Variants in APLP2 observed in about 807,000 individuals in gnomAD.
APLP2 encodes amyloid beta precursor like protein 2, also known as CDEI box-binding protein.
APLP2 carries 53 observed loss-of-function variants against 89.9 expected under a neutral mutation model. The ratio of observed to expected loss-of-function variants is 0.59; its 90% confidence interval spans 0.47 to 0.74. The LOEUF (loss-of-function observed/expected upper bound fraction) is 0.74. Ranked by LOEUF, APLP2 falls within the 30% of genes least tolerant of loss-of-function variation. The probability of loss-of-function intolerance (pLI) is 0.00; values close to 1 mark genes in which losing one functional copy is unlikely to be tolerated. For missense variants in APLP2, 973 were observed against 975.9 expected (o/e 1.00, Z 0.04); for synonymous variants, 372 against 348.6 (o/e 1.07, Z -0.75).
intron 12 of APLP2, 116 bp from the exon 13 acceptor site, chr11:130,135,447 G>A (rs1951457954): frequency 3.3e-6 from 4 of 1,207,912 alleles, no homozygotes; most frequent in South Asian, 1.5e-5. Context: ...ATCAAGGAAG[G>A]TGTTTCAGGC....
In APLP2 at chr11:130,123,575, C is replaced by T. The variant is rs777390678; in HGVS notation, c.923-37C>T. ...CATTTTGAAGCATTTGACGTCACTG[C>T]CTCTGTCCTGCTGACACTCTGACCA... On this transcript the variant is annotated intron_variant, in intron 6 of 16. Transcript: ENST00000338167. The surrounding 1 kb of genome is among the most constrained non-coding windows in gnomAD (Gnocchi z 4.0). The T allele has an allele frequency of 2.2e-5, 35 of 1,594,140 alleles. No individual in the cohort carries two copies. The highest frequency in any genetic ancestry group is 3.4e-5 in the Admixed American group (2 of 58,056).
At chr11:130,118,116 T>C (rs1565584626) in intron 3 of APLP2, among the ~76,000 whole-genome samples, 2 of 151,766 alleles carry the variant, frequency 1.3e-5, no homozygotes. Flanking sequence ...TTCTATAGAA[T>C]ATAGATTAGT....
rs553856828 is a variant in APLP2 at position 130,107,409 on chromosome 11, T to A, written c.106-2020T>A. 5.3e-3 allele frequency among the ~76,000 whole-genome samples: 794 copies of A among 150,968 alleles called. 9 individuals carry two copies. Among genetic ancestry groups the A allele is most frequent in the African/African-American group, 0.018 (741 of 40,582 alleles). On this transcript the variant is annotated intron_variant, in intron 1 of 16. Coordinates refer to ENST00000338167, the MANE Select transcript of APLP2 (RefSeq NM_001142276.2). ...ATCAATGTGCAAAAATCACAAGCAT[T>A]CCTATACACCAATAACAGACAGAGA...
At chr11:130,129,936 G>A in intron 10 of APLP2, 102 bp from the exon 11 acceptor site, 1 of 1,340,506 alleles carries the variant, frequency 7.5e-7, no homozygotes, top group Non-Finnish European at 1.0e-6. Context: ...CTTGTGCCTA[G>A]CTGAGCTTTA....
At chr11:130,079,083 T>TTTA (rs1565548972) in intron 1 of APLP2, among the ~76,000 whole-genome samples, 1,841 of 130,748 alleles carry the variant, frequency 0.014, 35 homozygotes, top group African/African-American at 0.039. Flanking sequence ...CATGTATTTT[T>TTTA]TTTATTTATT....
Position 130,070,435 on chromosome 11 carries a change from G to C in APLP2, c.105+353G>C, listed in dbSNP as rs535853772. 21 of 496,822 alleles carry C rather than the reference G, an allele frequency of 4.2e-5. No homozygotes were observed. In the South Asian group the frequency reaches 1.6e-3, roughly 39 times the overall value. 30.8% of individuals were successfully genotyped at this position (496,822 alleles called of 1,614,324 possible). ...CCCGCCCTCCCCCGGGACAATGCCA[G>C]GGCGCTCCTCTCCCGCCGGAGTCCG... On this transcript the variant is annotated intron_variant, in intron 1 of 16. Transcript: ENST00000338167.
At chr11:130,091,342 A>G (rs1945118619) in intron 1 of APLP2, among the ~76,000 whole-genome samples, 1 of 140,084 alleles carries the variant, frequency 7.1e-6, no homozygotes, top group Non-Finnish European at 1.5e-5. Flanking sequence ...TCCCTCCCGG[A>G]CGGGGCGGCT....
intron 1 of APLP2, among the ~76,000 whole-genome samples, chr11:130,106,919 C>G (rs1441669123): frequency 6.6e-6 from 1 of 152,104 alleles, no homozygotes; most frequent in Non-Finnish European, 1.5e-5. Context: ...GAACTCTCGA[C>G]CTCGTGATCT....
In APLP2 at chr11:130,141,220, T is replaced by TG. The variant is rs1273211280; in HGVS notation, c.1924-276dup. The stretch of plus-strand genomic sequence containing the variant: ...CGCGCCTGGTGTAAACGGGGCTTTT[T>TG]GGCAGTCTGTTCTGAGATACGTCTC... On this transcript the variant is annotated intron_variant, in intron 14 of 16. Transcript: ENST00000338167. The surrounding 1 kb of genome is among the most constrained non-coding windows in gnomAD (Gnocchi z 4.2). The TG allele has an allele frequency of 5.3e-6, 2 of 378,738 alleles. No individual in the cohort carries two copies. Among genetic ancestry groups the TG allele is most frequent in the African/African-American group, 4.2e-5 (2 of 47,538 alleles). 23.5% of individuals were successfully genotyped at this position (378,738 alleles called of 1,614,324 possible).
In APLP2 at chr11:130,121,595, G is replaced by A; in HGVS notation, c.517-19G>A. The A allele has an allele frequency of 1.2e-6, 2 of 1,608,248 alleles. No individual in the cohort carries two copies. The highest frequency in any genetic ancestry group is 8.5e-7 in the Non-Finnish European group (1 of 1,176,242). ...TTACTCTGGAGTATGTTCTGATGTG[G>A]CCTGTGGGTTTCTTTTAGGCATGTC... On this transcript the variant is annotated intron_variant, in intron 4 of 16. Coordinates refer to ENST00000338167, the MANE Select transcript of APLP2 (RefSeq NM_001142276.2).
chr11:130,137,080 G>A (rs1021682290), intron 13 of APLP2, among the ~76,000 whole-genome samples: 1 of 152,122 alleles, frequency 6.6e-6, no homozygotes, highest in African/African-American at 2.4e-5. Context: ...ATTTGCTGTG[G>A]CTCATACTGC....
chr11:130,094,651 G>A (rs1029780885), intron 1 of APLP2, among the ~76,000 whole-genome samples: 3 of 152,182 alleles, frequency 2.0e-5, no homozygotes, highest in South Asian at 2.1e-4. Flanking sequence ...TTGACAAGAC[G>A]TGTACATAAA....
chr11:130,127,931 C>A, intron 9 of APLP2, 91 bp downstream of exon 9: 2 of 1,096,222 alleles, frequency 1.8e-6, no homozygotes, highest in Non-Finnish European at 2.7e-6. Flanking sequence ...GGATTGGACA[C>A]CACCTCCTTT....
intron 7 of APLP2, 84 bp from the exon 8 acceptor site, chr11:130,126,616 T>A (rs1421286503): frequency 3.9e-6 from 6 of 1,523,840 alleles, no homozygotes; most frequent in Non-Finnish European, 5.4e-6. Context: ...ATTGAGTCCA[T>A]CCTGCAGGTC....
chr11:130,120,829 T>G lies in APLP2; in HGVS notation c.516+11T>G, dbSNP rs1444092566. ...ACGGTAGTCAAAGAGGTAAGAGAAC[T>G]CGGGGGGAAAGTCAGCTGCTGTTGT... On this transcript the variant is annotated intron_variant, in intron 4 of 16. Transcript: ENST00000338167. The G allele has an allele frequency of 6.3e-7, 1 of 1,592,962 alleles. No individual in the cohort carries two copies. The highest frequency in any genetic ancestry group is 2.2e-5 in the East Asian group (1 of 44,764).
intron 1 of APLP2, among the ~76,000 whole-genome samples, chr11:130,104,775 G>C (rs889198259): frequency 6.6e-5 from 10 of 152,172 alleles, no homozygotes; most frequent in Admixed American, 5.9e-4. Context: ...CGTTCCAGCA[G>C]GGTAAAGTCA....
At chr11:130,070,308 TCGGGGCTGCTGGGGGCGGC>T (rs1940679371) in intron 1 of APLP2, among the ~76,000 whole-genome samples, 1 of 151,098 alleles carries the variant, frequency 6.6e-6, no homozygotes, top group Admixed American at 6.6e-5. Context: ...ATGAAAGGCG[TCGGGGCTGCTGGGGGCGGC>T]CGTCCGCCTC....
intron 1 of APLP2, among the ~76,000 whole-genome samples, chr11:130,105,824 C>T (rs563567629): frequency 6.6e-6 from 1 of 151,990 alleles, no homozygotes; most frequent in African/African-American, 2.4e-5. Context: ...CTGCCTCAGC[C>T]TCCTGAGTAG....
intron 13 of APLP2, chr11:130,139,040 C>T (rs986090539): frequency 5.9e-5 from 9 of 152,214 alleles, no homozygotes; most frequent in African/African-American, 2.2e-4. Context: ...CATAAGCATC[C>T]TTGCTGAGGC....
Sources: allele counts gnomAD v4.1 joint callset (sites outside exome capture counted in the v4.1 genomes callset), GRCh38; gene constraint gnomAD v4.1.1; non-coding constraint Gnocchi (gnomAD v3.1); transcripts MANE v1.5; gene names NCBI Gene and HGNC (gene_info 2026-07-23, HGNC 2026-07-21).